ZNF821: variants seen among roughly 807,000 people sequenced by gnomAD.
The protein encoded by ZNF821 is zinc finger protein 821.
ZNF821 carries 16 observed loss-of-function variants against 44.3 expected under a neutral mutation model. The ratio of observed to expected loss-of-function variants is 0.36; its 90% CI spans 0.24 to 0.55. The LOEUF (loss-of-function observed/expected upper bound fraction) is 0.55, where lower values mean the gene tolerates loss of function less well. Ranked by LOEUF, ZNF821 falls within the 20% of genes least tolerant of loss-of-function variation. The probability of loss-of-function intolerance (pLI) is 0.86; values close to 1 mark genes in which losing one functional copy is unlikely to be tolerated. For synonymous variants in ZNF821, 204 were observed against 197.6 expected (o/e 1.03, Z -0.27); for missense variants, 436 against 547.6 (o/e 0.80, Z 2.03).
chr16:71,875,439 G>A (rs1411707966), intron 3 of ZNF821, among the ~76,000 whole-genome samples: 2 of 150,304 alleles, frequency 1.3e-5, no homozygotes, highest in Non-Finnish European at 3.0e-5. Context: ...GCGCCACCAT[G>A]CCCAGCTAAT....
intron 3 of ZNF821, 86 bp downstream of exon 3, chr16:71,879,821 C>T (rs1036893098): frequency 3.1e-5 from 38 of 1,242,740 alleles, no homozygotes; most frequent in Middle Eastern, 3.9e-4. Flanking sequence ...CACAAATTAG[C>T]GTGAGCTTCT....
chr16:71,878,647 GC>G (rs1484492080), intron 3 of ZNF821, among the ~76,000 whole-genome samples: 3 of 151,864 alleles, frequency 2.0e-5, no homozygotes, highest in Non-Finnish European at 4.4e-5. Flanking sequence ...AATAAAATAT[GC>G]AACAGGTGCG....
At position 71,864,146 on chromosome 16, in the gene ZNF821, C is replaced by T. The variant is rs766587027; in HGVS notation, c.409G>A (p.Val137Met). The stretch of plus-strand genomic sequence containing the variant: ...AGCTCCCCCATCCATACCTGGTACA[C>T]GTGAGCAATCAACTGCTCCCGGCTC... ...CGSREQLIAH[V>M]YQHTAAVVSA... Residue 137 changes from valine to methionine, a missense_variant, in exon 6 of 8, where the codon GTG becomes ATG. Physicochemically the swap from Val to Met is conservative, Grantham distance 21 (BLOSUM62 1). Coordinates refer to ENST00000425432, the MANE Select transcript of ZNF821 (RefSeq NM_001201552.2). The T allele has an allele frequency of 4.3e-6, 7 of 1,613,994 alleles. No homozygotes were observed. Among genetic ancestry groups the T allele is most frequent in the East Asian group, 2.2e-5 (1 of 44,878 alleles).
chr16:71,880,131 C>A (rs111434862), intron 2 of ZNF821, 108 bp from the exon 3 acceptor site: 3 of 483,826 alleles, frequency 6.2e-6, no homozygotes, highest in South Asian at 4.2e-5. Flanking sequence ...ATAAAACTCA[C>A]CAGTTATAAA....
At chr16:71,875,456 CTTT>C (rs34382171) in intron 3 of ZNF821, among the ~76,000 whole-genome samples, 3 of 133,920 alleles carry the variant, frequency 2.2e-5, no homozygotes, top group Admixed American at 7.6e-5. Flanking sequence ...TAATTTTTTT[CTTT>C]TTTTTTTTTT....
In ZNF821 at chr16:71,873,478, A is replaced by C. The variant is rs186908511; in HGVS notation, c.41-5441T>G. On this transcript the variant is annotated intron_variant, in intron 3 of 7. Transcript: ENST00000425432. ...TGTAACGAGTCTGTTAATGAAGTGA[A>C]GTGGGCAAAATACAAGAGTCTAACT... 3.9e-5 allele frequency among the ~76,000 whole-genome samples: 6 copies of C among 152,280 alleles called. No individual in the cohort carries two copies. In the East Asian group the frequency reaches 1.2e-3, roughly 29 times the overall value.
intron 3 of ZNF821, among the ~76,000 whole-genome samples, chr16:71,874,090 C>G (rs2035540257): frequency 6.6e-6 from 1 of 151,614 alleles, no homozygotes; most frequent in Non-Finnish European, 1.5e-5. Context: ...TCCCGAGTAG[C>G]TGGGATTACA....
At chr16:71,862,374 C>T (rs2033998107) in intron 6 of ZNF821, among the ~76,000 whole-genome samples, 1 of 152,198 alleles carries the variant, frequency 6.6e-6, no homozygotes, top group African/African-American at 2.4e-5. Context: ...ACTTGGGAAG[C>T]TGAGGCAAGA....
chr16:71,864,371 T>C, intron 5 of ZNF821, 129 bp from the exon 6 acceptor site: 1 of 742,436 alleles, frequency 1.3e-6, no homozygotes, highest in East Asian at 2.7e-5. Flanking sequence ...AGCTTCCCTT[T>C]GTGGGCTGAA....
chr16:71,864,879 G>C (rs2034355591), intron 5 of ZNF821, 24 bp downstream of exon 5: 2 of 1,613,708 alleles, frequency 1.2e-6, no homozygotes, highest in Non-Finnish European at 1.7e-6. Flanking sequence ...GCTGGACCTG[G>C]ACCCAGGGGC....
chr16:71,890,408 A>G (rs2142501582), intron 1 of ZNF821, among the ~76,000 whole-genome samples: 1 of 148,872 alleles, frequency 6.7e-6, no homozygotes, highest in East Asian at 2.0e-4. Context: ...TTTTTTTCAG[A>G]CAGGATCTCA....
chr16:71,890,583 C>T (rs1018211308), intron 1 of ZNF821: 2 of 151,658 alleles, frequency 1.3e-5, no homozygotes, highest in African/African-American at 2.4e-5. Flanking sequence ...GACAGATTTT[C>T]GCAATGTTGA....
At position 71,860,761 on chromosome 16, in the gene ZNF821, G is replaced by GAGA; in HGVS notation, c.585-90_585-89insTCT. Reference sequence around the variant, plus strand: ...GCCTTATTCTTTTCCTATGAGGCCAGTGGCTCCACGCTCACCACAAGGGGT... The same window carrying GAGA: ...GCCTTATTCTTTTCCTATGAGGCCAGAGATGGCTCCACGCTCACCACAAGGGGT... On this transcript the variant is annotated intron_variant, in intron 7 of 7. Coordinates refer to ENST00000425432, the MANE Select transcript of ZNF821 (RefSeq NM_001201552.2). This position sits in a 1 kb window ranked among gnomAD's most constrained non-coding sequence, Gnocchi z 7.3. The GAGA allele has an allele frequency of 2.1e-5, 28 of 1,345,432 alleles. No homozygotes were observed. Among genetic ancestry groups the GAGA allele is most frequent in the South Asian group, 1.4e-4 (10 of 71,182 alleles). The allele number at this position is 1,345,432 out of a possible 1,614,324, so 83.3% of individuals were successfully genotyped here.
chr16:71,887,856 C>CTTTT (rs555295344), upstream of ZNF821, among the ~76,000 whole-genome samples: 83 of 133,652 alleles, frequency 6.2e-4, no homozygotes, highest in South Asian at 1.7e-3. Flanking sequence ...ATTGAGTTGT[C>CTTTT]TTTTTTTTTT....
upstream of ZNF821, among the ~76,000 whole-genome samples, chr16:71,887,051 G>T (rs948809750): frequency 3.3e-5 from 5 of 152,096 alleles, no homozygotes. Flanking sequence ...ATATTCTGTT[G>T]TATGGATATG....
chr16:71,889,682 AAAC>A (rs2036875339), upstream of ZNF821, among the ~76,000 whole-genome samples: 1 of 152,082 alleles, frequency 6.6e-6, no homozygotes, highest in Admixed American at 6.6e-5. Context: ...TCAAAAAACA[AAAC>A]AAAAAACAAA....
At chr16:71,889,741 AC>A (rs1175446650), upstream of ZNF821, among the ~76,000 whole-genome samples, 1 of 152,112 alleles carries the variant, frequency 6.6e-6, no homozygotes, top group Non-Finnish European at 1.5e-5. Context: ...AAAAAACCTG[AC>A]CTGATAATGC....
rs75282655 is a variant in ZNF821, at chr16:71,865,226, G to A, written c.167-178C>T. Among the ~76,000 whole-genome samples, 863 of 152,302 alleles carry A rather than the reference G, an allele frequency of 5.7e-3. 3 individuals are homozygous for A. Among genetic ancestry groups the A allele is most frequent in the Middle Eastern group, 0.037 (11 of 294 alleles). On this transcript the variant is annotated intron_variant, in intron 4 of 7. Transcript: ENST00000425432. ...TGGAAACCAACTATAGCTGTCATTT[G>A]TTATGCCATATACACGTAAAGGGAA...
At chr16:71,893,133 T>C (rs1378891658) in intron 1 of ZNF821, among the ~76,000 whole-genome samples, 1 of 144,594 alleles carries the variant, frequency 6.9e-6, no homozygotes, top group East Asian at 2.2e-4. Flanking sequence ...GGCGCCATTC[T>C]CCTGCCTCAG....
Sources: gnomAD v4.1 joint callset for allele counts (sites outside exome capture counted in the v4.1 genomes callset) on GRCh38, gnomAD v4.1.1 for gene constraint, Gnocchi (gnomAD v3.1) non-coding constraint, MANE v1.5 for transcripts, NCBI Gene and HGNC (gene_info 2026-07-23, HGNC 2026-07-21) for gene names.